CD36: variants seen among roughly 807,000 people sequenced by gnomAD.
CD36 encodes the protein platelet glycoprotein 4.
A neutral mutation model predicts 55.2 loss-of-function variants in CD36; 119 were observed. That is an observed-to-expected ratio of 2.15 (90% confidence interval 1.86 to 2.51). The LOEUF is 2.51. CD36 is among the 30% of genes most tolerant of loss of function. The pLI, the probability that CD36 is intolerant of heterozygous loss-of-function variation, is 0.00. For synonymous variants in CD36, 186 were observed against 193.6 expected, an observed-to-expected ratio of 0.96 and a Z score of 0.33; for missense variants, 819 against 555.5, an observed-to-expected ratio of 1.47 and a Z score of -4.77.
chr7:80,656,581 G>T lies in CD36; in HGVS notation c.162G>T (p.Trp54Cys), dbSNP rs534577878. ...AAGGTACAATTGCTTTTAAAAATTG[G>T]GTTAAAACAGGCACAGAAGTTTACA... ...LEEGTIAFKN[W>C]VKTGTEVYRQ... The change falls in exon 4 of 15, where the codon TGG becomes TGT. Residue 54 changes from tryptophan to cysteine, a missense_variant. Trp to Cys is a radical substitution (Grantham distance 215). Coordinates refer to ENST00000447544, the MANE Select transcript of CD36 (RefSeq NM_001001548.3). 9 of 1,613,528 alleles carry T rather than the reference G, an allele frequency of 5.6e-6. No individual in the cohort carries two copies. The African/African-American group carries it at 1.2e-4, about 22-fold the overall frequency.
chr7:80,640,908 T>A (rs1320175620), intron 1 of CD36, among the ~76,000 whole-genome samples: 3 of 152,070 alleles, frequency 2.0e-5, no homozygotes, highest in Admixed American at 1.3e-4. Flanking sequence ...GTCTATCAAG[T>A]TTTTTCCTAT....
chr7:80,635,459 G>A (rs939214290), upstream of CD36, among the ~76,000 whole-genome samples: 1 of 151,992 alleles, frequency 6.6e-6, no homozygotes, highest in Non-Finnish European at 1.5e-5. Context: ...ATTTTTAGTA[G>A]AGAGGAGGTT....
At chr7:80,631,527 G>A (rs960668345) in intron 1 of CD36, among the ~76,000 whole-genome samples, 1 of 151,490 alleles carries the variant, frequency 6.6e-6, no homozygotes, top group South Asian at 2.1e-4. Context: ...CAAAGTGAAG[G>A]TTTTACTCTA....
chr7:80,615,079 C>A (rs1040718173), intron 1 of CD36, among the ~76,000 whole-genome samples: 1 of 152,130 alleles, frequency 6.6e-6, no homozygotes, highest in African/African-American at 2.4e-5. Flanking sequence ...GCTGCCACTA[C>A]AAACTGCAAG....
intron 3 of CD36, among the ~76,000 whole-genome samples, chr7:80,649,239 A>G (rs754132906): frequency 2.8e-4 from 43 of 152,038 alleles, no homozygotes; most frequent in Non-Finnish European, 2.4e-4. Flanking sequence ...CACCTAGCCA[A>G]TAGGGAAAGA....
upstream of CD36, among the ~76,000 whole-genome samples, chr7:80,637,966 C>A (rs1562785080): frequency 6.6e-6 from 1 of 150,838 alleles, no homozygotes; most frequent in South Asian, 2.1e-4. Context: ...AGTAATTCTA[C>A]TTAGACATAT....
intron 8 of CD36, among the ~76,000 whole-genome samples, chr7:80,667,846 G>A: frequency 6.8e-6 from 1 of 147,990 alleles, no homozygotes; most frequent in East Asian, 2.0e-4. Context: ...GCCTCCTGGG[G>A]TTCAAGTGAT....
intron 8 of CD36, among the ~76,000 whole-genome samples, chr7:80,667,397 T>G (rs1006585985): frequency 9.3e-5 from 13 of 139,336 alleles, no homozygotes; most frequent in African/African-American, 3.6e-4. Context: ...GCCTCTGCAC[T>G]CTAGCCTGGG....
chr7:80,640,576 G>T (rs1794735239), intron 1 of CD36, among the ~76,000 whole-genome samples: 1 of 151,838 alleles, frequency 6.6e-6, no homozygotes, highest in Non-Finnish European at 1.5e-5. Flanking sequence ...CAGCATTTTT[G>T]GCATTACAAA....
Position 80,671,977 on chromosome 7 carries a change from A to G in CD36, c.1062A>G (p.Ser354=). The change falls in exon 11 of 15, where the codon TCA becomes TCG. Residue 354 remains serine (S), a synonymous_variant. Coordinates refer to ENST00000447544, the MANE Select transcript of CD36 (RefSeq NM_001001548.3). Reference sequence around the variant, plus strand: ...TTCTGTATGCAAGTCCTGATGTTTCAGAACCTATTGATGGATTAAACCCAA... The same window carrying G: ...TTCTGTATGCAAGTCCTGATGTTTCGGAACCTATTGATGGATTAAACCCAA... The part of the protein sequence containing the change: ...PHFLYASPDV[S]EPIDGLNPNE... 6.2e-7 allele frequency: 1 copy of G among 1,610,484 alleles called. No individual in the cohort carries two copies. The highest frequency in any genetic ancestry group is 8.5e-7 in the Non-Finnish European group (1 of 1,177,278).
rs70961714 is a variant in CD36 at position 80,672,680 on chromosome 7, C to T, written c.1126-90C>T. On this transcript the variant is annotated intron_variant, in intron 11 of 14. Coordinates refer to ENST00000447544, the MANE Select transcript of CD36 (RefSeq NM_001001548.3). ...AGTCCTGTTTAACCTTAAGTTACTA[C>T]CTTCTCTTCTGCTGTAAGAAAAATA... 18 of 869,864 alleles carry T rather than the reference C, an allele frequency of 2.1e-5. 1 individual carries two copies. The East Asian group carries it at 2.4e-4, about 12-fold the overall frequency. 53.9% of individuals were successfully genotyped at this position (869,864 alleles called of 1,614,324 possible).
intron 1 of CD36, among the ~76,000 whole-genome samples, chr7:80,629,653 C>CT (rs929542857): frequency 6.6e-6 from 1 of 151,966 alleles, no homozygotes; most frequent in African/African-American, 2.4e-5. Context: ...TGAAATGTTG[C>CT]TTTCTTTCCT....
intron 11 of CD36, among the ~76,000 whole-genome samples, chr7:80,672,468 G>T (rs907423500): frequency 2.6e-5 from 4 of 151,590 alleles, no homozygotes; most frequent in Non-Finnish European, 5.9e-5. Flanking sequence ...ATATATATTT[G>T]ACCAGGAATT....
At chr7:80,645,486 A>G (rs35503056) in intron 1 of CD36, among the ~76,000 whole-genome samples, 93,869 of 151,042 alleles carry the variant, frequency 0.62, 29,208 homozygotes, top group East Asian at 0.66. Flanking sequence ...ACAAAAATTA[A>G]CCAGGCATGG....
At chr7:80,662,478 C>T (rs986298886) in intron 5 of CD36, 3 of 262,806 alleles carry the variant, frequency 1.1e-5, no homozygotes, top group Non-Finnish European at 1.6e-5. Context: ...CAGAGAGCCT[C>T]GTGCCGTTAG....
intron 1 of CD36, among the ~76,000 whole-genome samples, chr7:80,628,911 C>T (rs527696398): frequency 6.6e-6 from 1 of 152,136 alleles, no homozygotes; most frequent in South Asian, 2.1e-4. Context: ...AATGGTTGCA[C>T]TCTTTTGAGT....
chr7:80,667,491 A>G lies in CD36; in HGVS notation c.748+1002A>G, dbSNP rs147067420. Among the ~76,000 whole-genome samples, 775 of 151,586 alleles carry G rather than the reference A, an allele frequency of 5.1e-3. 10 individuals are homozygous for G. The highest frequency in any genetic ancestry group is 0.017 in the African/African-American group (695 of 41,420). On this transcript the variant is annotated intron_variant, in intron 8 of 14. Transcript: ENST00000447544. ...ATACCATGAAGTAATTAATATCCAG[A>G]GGCAAGCTTTCAACTACTAGGAAAC...
At chr7:80,603,438 C>A (rs1361399660) in intron 1 of CD36, among the ~76,000 whole-genome samples, 2 of 152,056 alleles carry the variant, frequency 1.3e-5, no homozygotes. Context: ...GTTGACACTC[C>A]TTGAGAGAAC....
At chr7:80,638,300 C>T (rs546058018), upstream of CD36, among the ~76,000 whole-genome samples, 2 of 151,580 alleles carry the variant, frequency 1.3e-5, no homozygotes, top group South Asian at 2.1e-4. Flanking sequence ...CTATTTCCAC[C>T]AGCGGTCTCA....
Sources: gnomAD v4.1 joint callset for allele counts (sites outside exome capture counted in the v4.1 genomes callset) on GRCh38, gnomAD v4.1.1 for gene constraint, MANE v1.5 for transcripts, NCBI Gene and HGNC (gene_info 2026-07-23, HGNC 2026-07-21) for gene names.